The following LRP5 variants were observed in gnomAD, a reference collection of about 807,000 sequenced individuals.
LRP5 encodes the protein low-density lipoprotein receptor-related protein 5.
In LRP5, 62 loss-of-function variants were observed where a neutral mutation model predicts 154.1. The ratio of observed to expected loss-of-function variants is 0.40; its 90% CI spans 0.33 to 0.50. The LOEUF (loss-of-function observed/expected upper bound fraction) is 0.50, where lower values mean the gene tolerates loss of function less well. Among genes scored for constraint, LRP5 ranks in the 20% least tolerant of loss-of-function variants. The pLI, the probability that LRP5 is intolerant of heterozygous loss-of-function variation, is 0.55. For missense variants in LRP5, 1,915 were observed against 2,336.7 expected (o/e 0.82, Z 3.72); for synonymous variants, 966 against 1,011.5 (o/e 0.96, Z 0.85).
At chr11:68,305,226 T>C in the LRP5 span, among the ~76,000 whole-genome samples, 2 of 151,900 alleles carry the variant, frequency 1.3e-5, no homozygotes, top group Admixed American at 6.6e-5. Context: ...TGAGATCTGC[T>C]CATTTAAAAG....
intron 1 of LRP5, among the ~76,000 whole-genome samples, chr11:68,335,830 C>T (rs1202872084): frequency 6.6e-6 from 1 of 152,114 alleles, no homozygotes; most frequent in Non-Finnish European, 1.5e-5. Context: ...TCTCGACAGC[C>T]GGAGCAAGAA....
At chr11:68,375,764 C>G (rs983576022) in intron 5 of LRP5, among the ~76,000 whole-genome samples, 1 of 152,228 alleles carries the variant, frequency 6.6e-6, no homozygotes, top group East Asian at 1.9e-4. Flanking sequence ...AGAAGCCCCC[C>G]GTCTCTGTGC....
chr11:68,371,916 G>A (rs1477159639), intron 5 of LRP5, among the ~76,000 whole-genome samples: 4 of 152,210 alleles, frequency 2.6e-5, no homozygotes, highest in East Asian at 1.9e-4. Context: ...ATTCAGAGTC[G>A]GGCAGAGGAG....
chr11:68,438,372 C>A, intron 19 of LRP5, 74 bp from the exon 20 acceptor site: 2 of 1,367,072 alleles, frequency 1.5e-6, no homozygotes, highest in Non-Finnish European at 2.1e-6. Flanking sequence ...TCAGGGCGCA[C>A]GGTGTCTGCC....
At chr11:68,422,733 AC>A (rs1324178600) in intron 13 of LRP5, among the ~76,000 whole-genome samples, 1 of 151,154 alleles carries the variant, frequency 6.6e-6, no homozygotes, top group Non-Finnish European at 1.5e-5. Flanking sequence ...CCCCACACTC[AC>A]CTGCCCCTAC....
intron 4 of LRP5, among the ~76,000 whole-genome samples, chr11:68,364,351 CATAT>C (rs200855734): frequency 7.7e-6 from 1 of 129,610 alleles, no homozygotes; most frequent in Non-Finnish European, 1.7e-5. Flanking sequence ...TTTATATATA[CATAT>C]ATATGTGTGT....
chr11:68,427,961 TTTTATTTTATTTTTTTTATTTATTTA>T (rs1416532477), intron 16 of LRP5, among the ~76,000 whole-genome samples: 1 of 75,396 alleles, frequency 1.3e-5, no homozygotes, highest in Non-Finnish European at 2.7e-5. Flanking sequence ...TTTTATTTTA[TTTTATTTTATTTTTTTTATTTATTTA>T]TTTATTTATT....
At chr11:68,435,584 C>G (rs558646020) in intron 18 of LRP5, among the ~76,000 whole-genome samples, 1 of 152,240 alleles carries the variant, frequency 6.6e-6, no homozygotes, top group Admixed American at 6.5e-5. Context: ...AGTGAGAGCC[C>G]ATTTGCTACT....
chr11:68,395,420 A>T (rs2098648739), intron 7 of LRP5, among the ~76,000 whole-genome samples: 2 of 152,072 alleles, frequency 1.3e-5, no homozygotes, highest in Non-Finnish European at 2.9e-5. Context: ...GAAGCTCATT[A>T]CCTGACGATT....
chr11:68,306,469 G>A, the LRP5 span, among the ~76,000 whole-genome samples: 4,035 of 152,232 alleles, frequency 0.027, 179 homozygotes, highest in African/African-American at 0.093. Flanking sequence ...ATTTGTCCTT[G>A]GATGCAGGGT....
Position 68,447,891 on chromosome 11 carries a change from A to G in LRP5, c.4587-918A>G, listed in dbSNP as rs531922131. On this transcript the variant is annotated intron_variant, in intron 22 of 22. Coordinates refer to ENST00000294304, the MANE Select transcript of LRP5 (RefSeq NM_002335.4). The surrounding 1 kb of genome is among the most constrained non-coding windows in gnomAD (Gnocchi z 4.3). ...GTAGCCTCTGGGAGGATGGGAGGTC[A>G]GGAGCCATCTTGCGAGTCAGGTTGC... Among the ~76,000 whole-genome samples, 22 of 152,322 alleles carry G rather than the reference A, an allele frequency of 1.4e-4. No individual in the cohort carries two copies. The East Asian group carries it at 1.9e-3, about 13-fold the overall frequency.
Position 68,403,687 on chromosome 11 carries a change from G to A in LRP5, c.1789G>A (p.Ala597Thr). 6.2e-7 allele frequency: 1 copy of A among 1,613,870 alleles called. No homozygotes were observed. The highest frequency in any genetic ancestry group is 8.5e-7 in the Non-Finnish European group (1 of 1,180,050). Residue 597 changes from alanine to threonine, a missense_variant, in exon 8 of 23, where the codon GCC becomes ACC. Physicochemically the swap from Ala to Thr is moderately conservative, Grantham distance 58. This residue lies in a region of LRP5 where 773 missense variants were observed against 1,100.9 expected (regional missense o/e 0.70). Transcript: ENST00000294304. The stretch of plus-strand genomic sequence containing the variant: ...GATGGGGCTCAAAGCTGTGAATGTG[G>A]CCAAGGTCGTCGGTGAGTCCGGGGG... ...DLMGLKAVNV[A>T]KVVGTNPCAD...
At chr11:68,426,212 G>A (rs775332965) in intron 16 of LRP5, 25 bp downstream of exon 16, 19 of 1,599,934 alleles carry the variant, frequency 1.2e-5, no homozygotes, top group Non-Finnish European at 1.5e-5. Context: ...GCAGTGGGGT[G>A]GGCAGGGTGG....
chr11:68,395,266 A>G (rs2153158120), intron 7 of LRP5, among the ~76,000 whole-genome samples: 1 of 145,998 alleles, frequency 6.8e-6, no homozygotes, highest in South Asian at 2.2e-4. Flanking sequence ...CCGCCACTGC[A>G]CTCCAGCCTG....
rs528947020 is a variant in LRP5 at position 68,416,054 on chromosome 11, CA to C, written c.2828-264del. On this transcript the variant is annotated intron_variant, in intron 12 of 22. Coordinates refer to ENST00000294304, the MANE Select transcript of LRP5 (RefSeq NM_002335.4). ...TGGGCAACAGTGCGAGACTCCATCT[CA>C]AAAAAAAAATAAATAAATAAAAGAA... Among the ~76,000 whole-genome samples, 3,665 of 146,514 alleles carry C rather than the reference CA, an allele frequency of 0.025. 145 individuals carry two copies. The highest frequency in any genetic ancestry group is 0.087 in the African/African-American group (3,463 of 39,990).
rs1431862831 is a variant in LRP5 at position 68,344,931 on chromosome 11, C to T, written c.92-2916C>T. ...AGACTGGAGTTCAGTGGCACGATCT[C>T]GGTTCACTGCAACATCTGCCTCCTG... On this transcript the variant is annotated intron_variant, in intron 1 of 22. Transcript: ENST00000294304. Among the ~76,000 whole-genome samples the T allele has an allele frequency of 4.7e-5, 6 of 127,722 alleles. No homozygotes were observed. In the East Asian group the frequency reaches 1.0e-3, roughly 22 times the overall value. 83.8% of individuals were successfully genotyped at this position (127,722 alleles called of 152,430 possible). A position where few individuals can be genotyped will look rare whatever the true frequency, so the allele number is the denominator to read the frequency against.
At chr11:68,395,173 T>A (rs551746324) in intron 7 of LRP5, among the ~76,000 whole-genome samples, 1 of 151,938 alleles carries the variant, frequency 6.6e-6, no homozygotes, top group African/African-American at 2.4e-5. Flanking sequence ...TGATGGTGCA[T>A]ACCTGTAATC....
At chr11:68,340,101 G>A (rs572136103) in intron 1 of LRP5, among the ~76,000 whole-genome samples, 72 of 152,266 alleles carry the variant, frequency 4.7e-4, no homozygotes, top group African/African-American at 1.5e-3. Flanking sequence ...TTAGCTGGGC[G>A]TGGTGGCGTG....
chr11:68,382,051 G>A (rs1373518346), intron 5 of LRP5, among the ~76,000 whole-genome samples: 2 of 152,240 alleles, frequency 1.3e-5, no homozygotes, highest in African/African-American at 4.8e-5. Context: ...CAAATGGGTT[G>A]GATCCTGCCT....
Sources: allele counts gnomAD v4.1 joint callset (sites outside exome capture counted in the v4.1 genomes callset), GRCh38; gene constraint gnomAD v4.1.1; regional missense constraint gnomAD v4.1.1; non-coding constraint Gnocchi (gnomAD v3.1); transcripts MANE v1.5; gene names NCBI Gene and HGNC (gene_info 2026-07-23, HGNC 2026-07-21).